The following NEGR1 variants were observed in gnomAD, a reference collection of about 807,000 sequenced individuals.
NEGR1 encodes the protein IgLON family member 4.
Under a neutral mutation model 40.9 loss-of-function variants are expected in NEGR1, and 10 were observed. The ratio of observed to expected loss-of-function variants is 0.24; its 90% CI spans 0.15 to 0.42. NEGR1 has a LOEUF of 0.42. Ranked by LOEUF, NEGR1 falls within the 10% of genes least tolerant of loss-of-function variation. The pLI is 1.00. For missense variants in NEGR1, 352 were observed against 438.9 expected (o/e 0.80, Z 1.77); for synonymous variants, 185 against 166.8 (o/e 1.11, Z -0.84).
intron 3 of NEGR1, among the ~76,000 whole-genome samples, chr1:71,741,409 A>T (rs1393494389): frequency 4.6e-5 from 7 of 152,122 alleles, no homozygotes. Flanking sequence ...GTTTCCTCCT[A>T]TCAACCCAAT....
chr1:72,213,441 G>T (rs1653683711), intron 1 of NEGR1, among the ~76,000 whole-genome samples: 2 of 151,728 alleles, frequency 1.3e-5, no homozygotes, highest in Admixed American at 1.3e-4. Flanking sequence ...TCAATAAAAA[G>T]TTTCATATTA....
At chr1:71,630,500 C>T (rs1349165835) in intron 4 of NEGR1, among the ~76,000 whole-genome samples, 6 of 151,916 alleles carry the variant, frequency 3.9e-5, no homozygotes, top group Non-Finnish European at 8.8e-5. Context: ...CCCATTGGTT[C>T]TATCATCTGA....
At chr1:72,126,088 A>ACTGT (rs1460989217) in intron 1 of NEGR1, among the ~76,000 whole-genome samples, 4 of 129,324 alleles carry the variant, frequency 3.1e-5, no homozygotes, top group Non-Finnish European at 4.9e-5. Context: ...ATTAGAGAAA[A>ACTGT]GTATGTGTGT....
intron 3 of NEGR1, among the ~76,000 whole-genome samples, chr1:71,702,887 A>C (rs1570233872): frequency 6.6e-6 from 1 of 152,164 alleles, no homozygotes; most frequent in African/African-American, 2.4e-5. Flanking sequence ...TGGAAACTAG[A>C]GCCCAGTGGT....
chr1:72,234,667 C>T lies in NEGR1; in HGVS notation c.176+47652G>A, dbSNP rs181626423. On this transcript the variant is annotated intron_variant, in intron 1 of 6. Transcript: ENST00000357731. ...TTTCAAAATAAGACACACATCTGGC[C>T]AACTATCATATTAATAAAAGATCAA... Among the ~76,000 whole-genome samples the T allele has an allele frequency of 7.9e-5, 12 of 152,080 alleles. No homozygotes were observed. In the East Asian group the frequency reaches 1.2e-3, roughly 15 times the overall value.
rs555092380 is a variant in NEGR1 at position 71,405,833 on chromosome 1, T to C, written c.*1613A>G. 1 of 152,184 alleles carries C rather than the reference T, an allele frequency of 6.6e-6. No homozygotes were observed. Among genetic ancestry groups the C allele is most frequent in the South Asian group, 2.1e-4 (1 of 4,814 alleles). 9.4% of individuals were successfully genotyped at this position (152,184 alleles called of 1,614,324 possible). A position where few individuals can be genotyped will look rare whatever the true frequency, so the allele number is the denominator to read the frequency against. On this transcript the variant is annotated 3_prime_UTR_variant, in exon 7 of 7. Coordinates refer to ENST00000357731, the MANE Select transcript of NEGR1 (RefSeq NM_173808.3). The stretch of plus-strand genomic sequence containing the variant: ...ACAACTTGTAAAAGGGGACTATTTG[T>C]AGAAATTTAGGTGTACTGAAATTGG...
At chr1:71,666,799 T>G (rs543100906) in intron 4 of NEGR1, among the ~76,000 whole-genome samples, 1 of 152,280 alleles carries the variant, frequency 6.6e-6, no homozygotes, top group Admixed American at 6.5e-5. Flanking sequence ...CTTTAAAGTA[T>G]AATTTTGAAT....
chr1:72,162,385 C>T (rs1181471468), intron 1 of NEGR1, among the ~76,000 whole-genome samples: 1 of 151,990 alleles, frequency 6.6e-6, no homozygotes, highest in Non-Finnish European at 1.5e-5. Flanking sequence ...TTGCTTGAAC[C>T]CGGGAGGCAG....
chr1:71,898,253 C>A (rs1661026382), intron 2 of NEGR1, among the ~76,000 whole-genome samples: 1 of 151,892 alleles, frequency 6.6e-6, no homozygotes, highest in Non-Finnish European at 1.5e-5. Context: ...TTATTTTTTT[C>A]TTATTAATAC....
chr1:72,123,128 A>G (rs1649867071), intron 1 of NEGR1, among the ~76,000 whole-genome samples: 1 of 151,952 alleles, frequency 6.6e-6, no homozygotes, highest in Non-Finnish European at 1.5e-5. Flanking sequence ...ATTTATTTAG[A>G]ATCATAGACC....
intron 6 of NEGR1, among the ~76,000 whole-genome samples, chr1:71,478,718 C>T (rs1646836774): frequency 6.6e-6 from 1 of 151,956 alleles, no homozygotes; most frequent in Admixed American, 6.6e-5. Flanking sequence ...AATACTCTTC[C>T]CCTCTTGCTT....
intron 1 of NEGR1, among the ~76,000 whole-genome samples, chr1:71,999,646 T>C (rs1282727403): frequency 2.6e-5 from 1 of 38,370 alleles, no homozygotes; most frequent in Non-Finnish European, 6.0e-5. Context: ...TATATATATA[T>C]ATATATATAT....
chr1:71,920,951 A>G (rs1388902902), intron 2 of NEGR1, among the ~76,000 whole-genome samples: 3 of 152,202 alleles, frequency 2.0e-5, no homozygotes, highest in Non-Finnish European at 4.4e-5. Flanking sequence ...TTGTAGCTCT[A>G]ATATTCATTA....
Position 71,936,321 on chromosome 1 carries a change from A to T in NEGR1, c.177-1010T>A, listed in dbSNP as rs146375149. 2.8e-3 allele frequency among the ~76,000 whole-genome samples: 421 copies of T among 152,340 alleles called. 3 individuals carry two copies. Among genetic ancestry groups the T allele is most frequent in the African/African-American group, 9.8e-3 (407 of 41,582 alleles). On this transcript the variant is annotated intron_variant, in intron 1 of 6. Coordinates refer to ENST00000357731, the MANE Select transcript of NEGR1 (RefSeq NM_173808.3). ...TAAAGCATTCATTTAGCTAGCAAAC[A>T]TTTATAAGATATCTATGGATTTAAA...
At chr1:71,872,952 C>T (rs752460800) in intron 2 of NEGR1, among the ~76,000 whole-genome samples, 11 of 151,718 alleles carry the variant, frequency 7.3e-5, no homozygotes, top group Non-Finnish European at 1.3e-4. Context: ...AGGAAGTTAG[C>T]GGAACCCACA....
chr1:72,271,081 G>C (rs1296270909), intron 1 of NEGR1, among the ~76,000 whole-genome samples: 1 of 151,864 alleles, frequency 6.6e-6, no homozygotes, highest in Non-Finnish European at 1.5e-5. Context: ...AAGTAGAGAA[G>C]CAGGAACTCA....
intron 1 of NEGR1, among the ~76,000 whole-genome samples, chr1:71,994,356 G>A (rs570434404): frequency 7.9e-5 from 12 of 151,936 alleles, no homozygotes; most frequent in Non-Finnish European, 1.8e-4. Flanking sequence ...GTGAAACCCT[G>A]TCTCTACTAA....
At chr1:71,466,227 GAAGT>G (rs1370121649) in intron 6 of NEGR1, among the ~76,000 whole-genome samples, 1 of 152,102 alleles carries the variant, frequency 6.6e-6, no homozygotes, top group Non-Finnish European at 1.5e-5. Context: ...CTTAGTAAAA[GAAGT>G]AATAGTGTTG....
At chr1:71,733,645 G>A (rs1654955790) in intron 3 of NEGR1, among the ~76,000 whole-genome samples, 1 of 152,080 alleles carries the variant, frequency 6.6e-6, no homozygotes, top group Non-Finnish European at 1.5e-5. Flanking sequence ...AGTTAGTGGG[G>A]GAGTGGAGAA....
Sources: gnomAD v4.1 joint callset for allele counts (sites outside exome capture counted in the v4.1 genomes callset) on GRCh38, gnomAD v4.1.1 for gene constraint, MANE v1.5 for transcripts, NCBI Gene and HGNC (gene_info 2026-07-23, HGNC 2026-07-21) for gene names.